Variants in DACH2 observed in about 807,000 individuals in gnomAD.
DACH2 encodes dachshund family transcription factor 2, also known as dachshund homolog 2.
DACH2 carries 17 observed loss-of-function variants against 35.8 expected under a neutral mutation model. That is an observed-to-expected ratio of 0.48 (90% CI 0.33 to 0.71). The LOEUF is 0.71. DACH2 is among the 30% of genes least tolerant of loss of function. DACH2 has a pLI of 0.02. For synonymous variants in DACH2, 195 were observed against 177.3 expected (o/e 1.10, Z -0.79); for missense variants, 469 against 472.7 (o/e 0.99, Z 0.07).
At chrX:86,360,519 A>C (rs1366728908) in intron 1 of DACH2, among the ~76,000 whole-genome samples, 1 of 111,928 alleles carries the variant, frequency 8.9e-6, no homozygotes, top group Non-Finnish European at 1.9e-5. Context: ...GAAGCCTATA[A>C]ATATTTAAGG....
At chrX:86,400,635 G>T (rs1312589916) in intron 2 of DACH2, among the ~76,000 whole-genome samples, 1 of 111,915 alleles carries the variant, frequency 8.9e-6, no homozygotes, top group African/African-American at 3.3e-5. Flanking sequence ...GGAGTTTGCT[G>T]GAGGTCCACT....
intron 1 of DACH2, among the ~76,000 whole-genome samples, chrX:86,317,521 T>G (rs1238011188): frequency 8.9e-6 from 1 of 112,512 alleles, no homozygotes; most frequent in Non-Finnish European, 1.9e-5. Context: ...TAGAAGTTAA[T>G]AGAAGATTTA....
intron 3 of DACH2, among the ~76,000 whole-genome samples, chrX:86,616,394 G>A (rs1342682733): frequency 8.9e-6 from 1 of 111,991 alleles, no homozygotes; most frequent in Non-Finnish European, 1.9e-5. Flanking sequence ...CATCTACAGT[G>A]TATAAGCTTT....
chrX:86,413,761 T>A (rs1007036112), intron 2 of DACH2, among the ~76,000 whole-genome samples: 4 of 111,319 alleles, frequency 3.6e-5, no homozygotes, highest in African/African-American at 1.3e-4. Flanking sequence ...TTCCTTCAGC[T>A]GCGAAGTATG....
chrX:86,649,454 C>A (rs1173852904), intron 3 of DACH2, among the ~76,000 whole-genome samples: 1 of 110,903 alleles, frequency 9.0e-6, no homozygotes, highest in African/African-American at 3.3e-5. Flanking sequence ...TTGTTTAAAT[C>A]ATTGCCATCA....
chrX:86,715,382 C>T (rs2041324511), intron 6 of DACH2, among the ~76,000 whole-genome samples: 2 of 111,377 alleles, frequency 1.8e-5, no homozygotes, highest in Non-Finnish European at 3.8e-5. Flanking sequence ...TAATGAAACA[C>T]AAAGGATATT....
chrX:86,481,097 A>T (rs2037928897), intron 2 of DACH2: 1 of 112,050 alleles, frequency 8.9e-6, no homozygotes, highest in Non-Finnish European at 1.9e-5. Flanking sequence ...CTTCTCTACA[A>T]GGCATGCACA....
chrX:86,749,055 A>G lies in DACH2; in HGVS notation c.1240+9173A>G, dbSNP rs768173237. Reference sequence around the variant, plus strand: ...CTTCTGCAGCTTCTTAACCTCTTTCAGCCTACAAGGAATTAAAGAGAGGTA... The same window carrying G: ...CTTCTGCAGCTTCTTAACCTCTTTCGGCCTACAAGGAATTAAAGAGAGGTA... On this transcript the variant is annotated intron_variant, in intron 7 of 11. Transcript: ENST00000373125. 1.3e-4 allele frequency among the ~76,000 whole-genome samples: 14 copies of G among 111,947 alleles called. No individual in the cohort carries two copies. In the South Asian group the frequency reaches 3.7e-3, roughly 30 times the overall value.
intron 2 of DACH2, among the ~76,000 whole-genome samples, chrX:86,414,225 C>T (rs369361236): frequency 2.7e-5 from 3 of 111,274 alleles, no homozygotes; most frequent in Non-Finnish European, 5.7e-5. Flanking sequence ...TTTGTCCATT[C>T]GACCTAGAAA....
At chrX:86,691,470 A>G (rs1212426021) in intron 4 of DACH2, among the ~76,000 whole-genome samples, 1 of 111,809 alleles carries the variant, frequency 8.9e-6, no homozygotes, top group Non-Finnish European at 1.9e-5. Flanking sequence ...CTCCATAAAT[A>G]TATACACCTA....
At chrX:86,471,440 G>T (rs1183825145) in intron 2 of DACH2, among the ~76,000 whole-genome samples, 1 of 111,320 alleles carries the variant, frequency 9.0e-6, no homozygotes, top group Non-Finnish European at 1.9e-5. Context: ...TTTAAATTCT[G>T]CTGTGCTTTT....
intron 1 of DACH2, among the ~76,000 whole-genome samples, chrX:86,339,532 A>G: frequency 8.9e-6 from 1 of 111,902 alleles, no homozygotes; most frequent in Non-Finnish European, 1.9e-5. Context: ...GACAACATCC[A>G]TATGAAATAA....
chrX:86,322,055 C>T lies in DACH2; in HGVS notation c.489-54769C>T, dbSNP rs183121645. Among the ~76,000 whole-genome samples the T allele has an allele frequency of 2.1e-3, 234 of 110,665 alleles. 2 individuals are homozygous for T. The highest frequency in any genetic ancestry group is 6.8e-3 in the African/African-American group (208 of 30,399). ...AAGCACTGGGGCACTTAGGAGTCAC[C>T]TCCAATGGTTCCTCCAAAACTTGCT... On this transcript the variant is annotated intron_variant, in intron 1 of 11. Coordinates refer to ENST00000373125, the MANE Select transcript of DACH2 (RefSeq NM_053281.3).
intron 1 of DACH2, among the ~76,000 whole-genome samples, chrX:86,208,549 A>G (rs1017275409): frequency 9.0e-6 from 1 of 111,622 alleles, no homozygotes; most frequent in African/African-American, 3.2e-5. Flanking sequence ...AAATATTAGC[A>G]CTATTACTCT....
intron 1 of DACH2, among the ~76,000 whole-genome samples, chrX:86,245,830 A>G (rs1199778213): frequency 8.9e-6 from 1 of 111,963 alleles, no homozygotes; most frequent in African/African-American, 3.2e-5. Context: ...CCAGGCTGAA[A>G]TGGCAGAAAT....
intron 2 of DACH2, among the ~76,000 whole-genome samples, chrX:86,377,623 C>T (rs2035988628): frequency 9.1e-6 from 1 of 109,966 alleles, no homozygotes; most frequent in South Asian, 3.8e-4. Context: ...CAGTAGTGCC[C>T]CTCTTCTCTT....
At chrX:86,367,143 A>G (rs1269750104) in intron 1 of DACH2, among the ~76,000 whole-genome samples, 1 of 111,406 alleles carries the variant, frequency 9.0e-6, no homozygotes, top group Non-Finnish European at 1.9e-5. Context: ...AAAATAATAT[A>G]AACATATCAA....
At chrX:86,713,130 C>T (rs969373090) in intron 5 of DACH2, among the ~76,000 whole-genome samples, 6 of 111,243 alleles carry the variant, frequency 5.4e-5, no homozygotes, top group African/African-American at 2.0e-4. Context: ...TTAGATCAAC[C>T]ATTATAATTG....
chrX:86,511,055 G>A (rs1355607913), intron 2 of DACH2, among the ~76,000 whole-genome samples: 1 of 111,706 alleles, frequency 9.0e-6, no homozygotes, highest in Non-Finnish European at 1.9e-5. Flanking sequence ...CAGTTACCTA[G>A]TTAAACCACC....
Sources: gnomAD v4.1 joint callset for allele counts (sites outside exome capture counted in the v4.1 genomes callset) on GRCh38, gnomAD v4.1.1 for gene constraint, MANE v1.5 for transcripts, NCBI Gene and HGNC (gene_info 2026-07-23, HGNC 2026-07-21) for gene names.